The following IGSF21 variants were observed in gnomAD, a reference collection of about 807,000 sequenced individuals.
IGSF21 encodes immunoglobulin superfamily member 21.
Under a neutral mutation model 46.8 loss-of-function variants are expected in IGSF21, and 28 were observed. The ratio of observed to expected loss-of-function variants is 0.60; its 90% CI spans 0.44 to 0.82. The LOEUF (loss-of-function observed/expected upper bound fraction) is 0.82. Ranked by LOEUF, IGSF21 falls within the 40% of genes least tolerant of loss-of-function variation. The pLI is 0.00. For synonymous variants in IGSF21, 284 were observed against 273.6 expected, an observed-to-expected ratio of 1.04 and a Z score of -0.38; for missense variants, 624 against 665.5, an observed-to-expected ratio of 0.94 and a Z score of 0.69.
intron 2 of IGSF21, among the ~76,000 whole-genome samples, chr1:18,271,004 G>A (rs1353274961): frequency 6.6e-6 from 1 of 152,206 alleles, no homozygotes; most frequent in Non-Finnish European, 1.5e-5. Context: ...GAAGAAAGCA[G>A]GGATGGCGTT....
At chr1:18,311,591 G>A (rs766668358) in intron 3 of IGSF21, among the ~76,000 whole-genome samples, 3 of 152,144 alleles carry the variant, frequency 2.0e-5, no homozygotes, top group Non-Finnish European at 2.9e-5. Flanking sequence ...TCCTGTATTA[G>A]TCTGTTCTCA....
intron 1 of IGSF21, among the ~76,000 whole-genome samples, chr1:18,187,574 C>T (rs903998016): frequency 4.4e-4 from 67 of 152,130 alleles, no homozygotes; most frequent in African/African-American, 1.6e-3. Context: ...GGAAACCACT[C>T]CTGCGATCCA....
intron 1 of IGSF21, among the ~76,000 whole-genome samples, chr1:18,170,083 G>A (rs1296389112): frequency 1.3e-5 from 2 of 152,196 alleles, no homozygotes; most frequent in Non-Finnish European, 2.9e-5. Flanking sequence ...CCAGGAAGTG[G>A]TAGCTGTGAG....
chr1:18,197,978 T>C (rs555830098), intron 1 of IGSF21, among the ~76,000 whole-genome samples: 1 of 152,256 alleles, frequency 6.6e-6, no homozygotes, highest in South Asian at 2.1e-4. Context: ...TCTTCATCTG[T>C]GTAGAGGGGA....
At chr1:18,267,231 G>A (rs1230463125) in intron 2 of IGSF21, among the ~76,000 whole-genome samples, 4 of 152,192 alleles carry the variant, frequency 2.6e-5, no homozygotes, top group African/African-American at 9.7e-5. Context: ...CAGCTGATTT[G>A]GGGAGATACG....
At chr1:18,160,363 C>T (rs991199357) in intron 1 of IGSF21, among the ~76,000 whole-genome samples, 31 of 152,196 alleles carry the variant, frequency 2.0e-4, no homozygotes, top group African/African-American at 7.5e-4. Flanking sequence ...TAAAGCACTT[C>T]AAGCGCTCAC....
intron 1 of IGSF21, among the ~76,000 whole-genome samples, chr1:18,145,343 A>G (rs150297989): frequency 6.6e-6 from 1 of 152,216 alleles, no homozygotes; most frequent in African/African-American, 2.4e-5. Flanking sequence ...CACACTCCCT[A>G]TAAACCACCA....
At chr1:18,243,149 A>G (rs1013359118) in intron 2 of IGSF21, among the ~76,000 whole-genome samples, 1 of 152,176 alleles carries the variant, frequency 6.6e-6, no homozygotes, top group African/African-American at 2.4e-5. Context: ...AGAAATTTTA[A>G]ACACAAAAGC....
chr1:18,316,596 T>A (rs2085545450), intron 3 of IGSF21, among the ~76,000 whole-genome samples: 1 of 152,234 alleles, frequency 6.6e-6, no homozygotes, highest in Non-Finnish European at 1.5e-5. Flanking sequence ...AGCTGTAGTC[T>A]GTCTCTGGGA....
At chr1:18,173,380 T>C (rs951034676) in intron 1 of IGSF21, among the ~76,000 whole-genome samples, 1 of 152,208 alleles carries the variant, frequency 6.6e-6, no homozygotes, top group Non-Finnish European at 1.5e-5. Context: ...ATTAGCTGCA[T>C]TTTGACAAAT....
rs188561009 is a variant in IGSF21, at chr1:18,237,682, G to A, written c.183+9672G>A. Among the ~76,000 whole-genome samples, 7 of 152,282 alleles carry A rather than the reference G, an allele frequency of 4.6e-5. No individual in the cohort carries two copies. The East Asian group carries it at 1.4e-3, about 29-fold the overall frequency. On this transcript the variant is annotated intron_variant, in intron 2 of 9. Coordinates refer to ENST00000251296, the MANE Select transcript of IGSF21 (RefSeq NM_032880.5). ...CAGCGTTTTGTACATTCTTCAATTA[G>A]AGAGACAGCACCTGGTAGCTTAGTT...
intron 4 of IGSF21, among the ~76,000 whole-genome samples, chr1:18,354,544 C>T (rs148348308): frequency 0.011 from 1,696 of 152,254 alleles, 9 homozygotes; most frequent in Non-Finnish European, 0.016. Context: ...AAAAGGAAGG[C>T]AGTCAATAGA....
intron 1 of IGSF21, among the ~76,000 whole-genome samples, chr1:18,154,139 G>A (rs759528080): frequency 5.3e-5 from 8 of 152,046 alleles, no homozygotes; most frequent in Non-Finnish European, 1.0e-4. Flanking sequence ...TGCATTCCTC[G>A]CTTCACCCCA....
At chr1:18,161,429 G>A (rs1050889644) in intron 1 of IGSF21, among the ~76,000 whole-genome samples, 3 of 152,072 alleles carry the variant, frequency 2.0e-5, no homozygotes, top group African/African-American at 7.2e-5. Flanking sequence ...TGTATTCTGA[G>A]CCTGCAAATG....
At chr1:18,351,189 C>G (rs1267799494) in intron 4 of IGSF21, among the ~76,000 whole-genome samples, 1 of 151,970 alleles carries the variant, frequency 6.6e-6, no homozygotes, top group Non-Finnish European at 1.5e-5. Context: ...TTTCCCCTGA[C>G]ACAATAATAA....
At chr1:18,117,406 A>G (rs2086197576) in intron 1 of IGSF21, among the ~76,000 whole-genome samples, 1 of 152,200 alleles carries the variant, frequency 6.6e-6, no homozygotes, top group African/African-American at 2.4e-5. Context: ...TAGATCTCCA[A>G]TGGGCATGGG....
intron 4 of IGSF21, among the ~76,000 whole-genome samples, chr1:18,339,338 A>G (rs2085804419): frequency 6.6e-6 from 1 of 152,154 alleles, no homozygotes; most frequent in South Asian, 2.1e-4. Context: ...CCCTTGACCC[A>G]AAGGCCATGA....
chr1:18,377,535 C>T (rs1360248442), intron 9 of IGSF21, 104 bp downstream of exon 9: 1 of 911,556 alleles, frequency 1.1e-6, no homozygotes, highest in South Asian at 1.3e-5. Flanking sequence ...CTTGCCACTC[C>T]CTGACACCTC....
chr1:18,211,467 A>G lies in IGSF21; in HGVS notation c.71-16431A>G, dbSNP rs367817774. Reference sequence around the variant, plus strand: ...GAGCAAATTCCCTTTGCAAATTTCCAGGCCCTTCCGTGCCAAAGCAAGGTA... The same window carrying G: ...GAGCAAATTCCCTTTGCAAATTTCCGGGCCCTTCCGTGCCAAAGCAAGGTA... On this transcript the variant is annotated intron_variant, in intron 1 of 9. Coordinates refer to ENST00000251296, the MANE Select transcript of IGSF21 (RefSeq NM_032880.5). 7.2e-5 allele frequency among the ~76,000 whole-genome samples: 11 copies of G among 152,376 alleles called. No individual in the cohort carries two copies. In the East Asian group the frequency reaches 1.9e-3, roughly 27 times the overall value.
Sources: gnomAD v4.1 joint callset for allele counts (sites outside exome capture counted in the v4.1 genomes callset) on GRCh38, gnomAD v4.1.1 for gene constraint, MANE v1.5 for transcripts, NCBI Gene and HGNC (gene_info 2026-07-23, HGNC 2026-07-21) for gene names.